MRPL54: variants seen among roughly 807,000 people sequenced by gnomAD.
The protein encoded by MRPL54 is mitochondrial ribosomal protein L54, also known as large ribosomal subunit protein mL54.
In MRPL54, 12 loss-of-function variants were observed where a neutral mutation model predicts 15.6. The observed-to-expected ratio is 0.77, with a 90% CI of 0.49 to 1.24. MRPL54 has a LOEUF of 1.24. Among genes scored for constraint, MRPL54 ranks in the 50% most tolerant of loss-of-function variants. The pLI is 0.00. For missense variants in MRPL54, 178 were observed against 186.8 expected (o/e 0.95, Z 0.28); for synonymous variants, 91 against 75.7 (o/e 1.20, Z -1.05).
intron 1 of MRPL54, among the ~76,000 whole-genome samples, chr19:3,764,175 T>C (rs1437557763): frequency 5.3e-5 from 8 of 150,594 alleles, no homozygotes; most frequent in South Asian, 4.2e-4. Flanking sequence ...CTCCGCCTCC[T>C]GGGTTCACGC....
chr19:3,767,193 G>A, intron 2 of MRPL54, 68 bp from the exon 3 acceptor site: 3 of 1,543,736 alleles, frequency 1.9e-6, no homozygotes, highest in Non-Finnish European at 1.7e-6. Flanking sequence ...CTCTGCCCGA[G>A]GTGCCCGGGA....
Position 3,764,574 on chromosome 19 carries a change from A to AT in MRPL54, c.119-581dup, listed in dbSNP as rs1235697182. On this transcript the variant is annotated intron_variant, in intron 1 of 2. Transcript: ENST00000330133. ...AGGCATATGCCACCATGCCCAGCTAATTTTTTTTTTTGTATTTTTAGTAGA... is the reference window on the plus strand; with the variant it reads ...AGGCATATGCCACCATGCCCAGCTAATTTTTTTTTTTTGTATTTTTAGTAGA... Among the ~76,000 whole-genome samples, 692 of 144,262 alleles carry AT rather than the reference A, an allele frequency of 4.8e-3. 9 individuals are homozygous for AT. In the East Asian group the frequency reaches 0.055, roughly 12 times the overall value. The allele number at this position is 144,262 out of a possible 152,430, so 94.6% of individuals were successfully genotyped here. A position where few individuals can be genotyped will look rare whatever the true frequency, so the allele number is the denominator to read the frequency against.
At chr19:3,765,036 A>G in intron 1 of MRPL54, 130 bp from the exon 2 acceptor site, 1 of 1,006,698 alleles carries the variant, frequency 9.9e-7, no homozygotes, top group Non-Finnish European at 1.4e-6. Flanking sequence ...CAAAAAAAAA[A>G]AAAAAGAAAG....
In MRPL54 at chr19:3,765,311, G is replaced by A. The variant is rs200913929; in HGVS notation, c.264G>A (p.Pro88=). ...AAGGGCAGGATGTACCCCTGAAACC[G>A]GATGCTGAGTACCCTGAATGGTGAG... is the stretch of plus-strand genomic sequence containing the variant. ...YKEGQDVPLK[P]DAEYPEWLFE... Residue 88 remains proline, a synonymous_variant, in exon 2 of 3, where the codon CCG becomes CCA. Transcript: ENST00000330133. The A allele has an allele frequency of 2.5e-5, 40 of 1,613,750 alleles. No homozygotes were observed. Among genetic ancestry groups the A allele is most frequent in the African/African-American group, 1.6e-4 (12 of 75,030 alleles).
chr19:3,763,548 GA>G (rs2037171237), intron 1 of MRPL54, among the ~76,000 whole-genome samples: 1 of 151,820 alleles, frequency 6.6e-6, no homozygotes, highest in Admixed American at 6.6e-5. Flanking sequence ...GCCAAGGAGG[GA>G]GGATCGATTG....
intron 1 of MRPL54, among the ~76,000 whole-genome samples, chr19:3,763,633 G>A (rs2037172619): frequency 1.4e-5 from 2 of 139,852 alleles, no homozygotes; most frequent in African/African-American, 5.3e-5. Context: ...AAAAAAAATT[G>A]CCTGGCGCGG....
rs917804257 is a variant in MRPL54 at position 3,767,438 on chromosome 19, G to A, written c.*45G>A. The A allele has an allele frequency of 1.7e-5, 27 of 1,592,960 alleles. No homozygotes were observed. In the Middle Eastern group the frequency reaches 5.0e-4, roughly 29 times the overall value. On this transcript the variant is annotated 3_prime_UTR_variant, in exon 3 of 3. Coordinates refer to ENST00000330133, the MANE Select transcript of MRPL54 (RefSeq NM_172251.3). The stretch of plus-strand genomic sequence containing the variant: ...CTGACCCCCACGCCGAGGGCTTGCC[G>A]TTTTCCCGGAGGACGTGGACTTTTG...
chr19:3,765,296 T>G lies in MRPL54; in HGVS notation c.249T>G (p.Asp83Glu). ...TCAACATCTACAAGGAAGGGCAGGA[T>G]GTACCCCTGAAACCGGATGCTGAGT... ...MGVNIYKEGQ[D>E]VPLKPDAEYP... The change falls in exon 2 of 3, where the codon GAT becomes GAG. Residue 83 changes from aspartate (D) to glutamate (E), a missense_variant. Coordinates refer to ENST00000330133, the MANE Select transcript of MRPL54 (RefSeq NM_172251.3). 8.7e-6 allele frequency: 14 copies of G among 1,613,980 alleles called. No homozygotes were observed. Among genetic ancestry groups the G allele is most frequent in the Non-Finnish European group, 1.1e-5 (13 of 1,179,924 alleles).
At chr19:3,762,932 C>G (rs2037164712) in intron 1 of MRPL54, 114 bp downstream of exon 1, 3 of 865,244 alleles carry the variant, frequency 3.5e-6, no homozygotes, top group Admixed American at 5.9e-5. Flanking sequence ...CGCAGAGAGG[C>G]GGATGCCAGG....
chr19:3,763,860 C>T lies in MRPL54; in HGVS notation c.118+1042C>T, dbSNP rs184296876. On this transcript the variant is annotated intron_variant, in intron 1 of 2. Coordinates refer to ENST00000330133, the MANE Select transcript of MRPL54 (RefSeq NM_172251.3). ...CCAGGAGGCGGAGGTTGCAGTGAGC[C>T]GAGATCACGCCACTGCACTCCAGCC... Among the ~76,000 whole-genome samples, 1,067 of 151,532 alleles carry T rather than the reference C, an allele frequency of 7.0e-3. 4 individuals carry two copies. The highest frequency in any genetic ancestry group is 0.012 in the Non-Finnish European group (795 of 67,864).
chr19:3,762,899 T>G (rs1599180440), intron 1 of MRPL54, 81 bp downstream of exon 1: 1 of 1,222,366 alleles, frequency 8.2e-7, no homozygotes, highest in Non-Finnish European at 1.1e-6. Flanking sequence ...GTTGGGGAGG[T>G]GGTGCTAGAA....
At chr19:3,766,287 A>G (rs989397459) in intron 2 of MRPL54, among the ~76,000 whole-genome samples, 1 of 152,114 alleles carries the variant, frequency 6.6e-6, no homozygotes, top group Admixed American at 6.5e-5. Flanking sequence ...CATGTTTGCC[A>G]GGCTAGTCTC....
At chr19:3,764,276 A>G (rs1024087294) in intron 1 of MRPL54, among the ~76,000 whole-genome samples, 8 of 151,244 alleles carry the variant, frequency 5.3e-5, no homozygotes, top group Middle Eastern at 3.4e-3. Flanking sequence ...GTAGAGATGG[A>G]ATTTCACCAT....
chr19:3,764,356 T>G (rs1039983216), intron 1 of MRPL54, among the ~76,000 whole-genome samples: 1 of 152,052 alleles, frequency 6.6e-6, no homozygotes, highest in Non-Finnish European at 1.5e-5. Context: ...GAGCTGGGAT[T>G]ACAGGCGTGA....
chr19:3,764,820 A>G, intron 1 of MRPL54, among the ~76,000 whole-genome samples: 1 of 151,810 alleles, frequency 6.6e-6, no homozygotes, highest in Non-Finnish European at 1.5e-5. Context: ...CGAGGTCAGG[A>G]GATCGAGACC....
intron 1 of MRPL54, among the ~76,000 whole-genome samples, chr19:3,763,524 CG>C (rs2037171007): frequency 6.6e-6 from 1 of 152,008 alleles, no homozygotes; most frequent in South Asian, 2.1e-4. Flanking sequence ...CCTTTATTCC[CG>C]GCACTTTGGG....
At chr19:3,766,960 T>TGGG (rs1450965012) in intron 2 of MRPL54, among the ~76,000 whole-genome samples, 1 of 152,084 alleles carries the variant, frequency 6.6e-6, no homozygotes, top group Non-Finnish European at 1.5e-5. Context: ...ATCTGAAGGC[T>TGGG]GGGGAGGGTC....
rs193018828 is a variant in MRPL54, at chr19:3,767,335, G to A, written c.359G>A (p.Arg120Gln). Residue 120 changes from arginine to glutamine, a missense_variant, in exon 3 of 3, where the codon CGG becomes CAG. Physicochemically the swap from Arg to Gln is conservative, Grantham distance 43. Coordinates refer to ENST00000330133, the MANE Select transcript of MRPL54 (RefSeq NM_172251.3). ...CCCGAGAGCCGGGAGTACTGGCGGC[G>A]GCTGCGGAAACAGAACATCTGGCGC... ...LDPESREYWR[R>Q]LRKQNIWRHN... 19 of 1,610,898 alleles carry A rather than the reference G, an allele frequency of 1.2e-5. No individual in the cohort carries two copies. The highest frequency in any genetic ancestry group is 8.0e-5 in the African/African-American group (6 of 74,810).
chr19:3,762,877 G>C (rs891225038), intron 1 of MRPL54, 59 bp downstream of exon 1: 3 of 1,351,060 alleles, frequency 2.2e-6, no homozygotes, highest in African/African-American at 3.0e-5. Flanking sequence ...AATTGACAGT[G>C]CGCAGGCGGT....
Sources: allele counts gnomAD v4.1 joint callset (sites outside exome capture counted in the v4.1 genomes callset), GRCh38; gene constraint gnomAD v4.1.1; transcripts MANE v1.5; gene names NCBI Gene and HGNC (gene_info 2026-07-23, HGNC 2026-07-21).